The following FGF14 variants were observed in gnomAD, a reference collection of about 807,000 sequenced individuals.
FGF14 encodes fibroblast growth factor 14, also known as fibroblast growth factor homologous factor 4.
In FGF14, 5 loss-of-function variants were observed where a neutral mutation model predicts 25.5. The ratio of observed to expected loss-of-function variants is 0.20; its 90% CI spans 0.10 to 0.41. The LOEUF is 0.41. Among genes scored for constraint, FGF14 ranks in the 10% least tolerant of loss-of-function variants. FGF14 has a pLI of 1.00. For missense variants in FGF14, 222 were observed against 320.1 expected (o/e 0.69, Z 2.34); for synonymous variants, 138 against 118.3 (o/e 1.17, Z -1.08).
At chr13:101,769,025 A>T (rs909847453) in intron 3 of FGF14, among the ~76,000 whole-genome samples, 1 of 152,168 alleles carries the variant, frequency 6.6e-6, no homozygotes, top group African/African-American at 2.4e-5. Flanking sequence ...TTATGTGAAG[A>T]GAAACCACAG....
chr13:102,398,566 C>A (rs573024708), intron 1 of FGF14, among the ~76,000 whole-genome samples: 7 of 152,078 alleles, frequency 4.6e-5, no homozygotes, highest in Non-Finnish European at 1.0e-4. Flanking sequence ...GTTAATTGTT[C>A]TCTTTTTAAA....
chr13:102,367,780 T>C (rs2057757228), intron 1 of FGF14: 1 of 151,304 alleles, frequency 6.6e-6, no homozygotes. Flanking sequence ...TTCTCATTTT[T>C]AAAATGGGGG....
rs192954876 is a variant in FGF14, at chr13:102,287,345, G to A, written c.208+114126C>T. ...ATGTGACTGGAGGTTAAATAGCAAA[G>A]CCACCTTAGTTTATGACATTATTTG... On this transcript the variant is annotated intron_variant, in intron 1 of 4. Coordinates refer to the FGF14 transcript ENST00000376131. 1.0e-4 allele frequency among the ~76,000 whole-genome samples: 15 copies of A among 149,292 alleles called. No homozygotes were observed. In the East Asian group the frequency reaches 2.9e-3, roughly 29 times the overall value.
At chr13:102,165,591 C>T (rs1456016982) in intron 1 of FGF14, among the ~76,000 whole-genome samples, 1 of 141,898 alleles carries the variant, frequency 7.0e-6, no homozygotes, top group East Asian at 2.1e-4. Context: ...CACGAATTCT[C>T]ACTCATAGGT....
intron 1 of FGF14, among the ~76,000 whole-genome samples, chr13:102,271,639 C>T (rs1169248900): frequency 6.6e-6 from 1 of 152,170 alleles, no homozygotes; most frequent in East Asian, 1.9e-4. Context: ...TTCATATGTC[C>T]ATTTTCCCTA....
intron 1 of FGF14, among the ~76,000 whole-genome samples, chr13:102,007,180 G>T (rs2039851538): frequency 6.6e-6 from 1 of 152,162 alleles, no homozygotes; most frequent in Non-Finnish European, 1.5e-5. Context: ...TAATTAGCAT[G>T]GTCCTCTAAA....
intron 3 of FGF14, among the ~76,000 whole-genome samples, chr13:101,756,607 C>CCTGT (rs1442760685): frequency 6.6e-6 from 1 of 152,126 alleles, no homozygotes; most frequent in Non-Finnish European, 1.5e-5. Flanking sequence ...GTGGCACATG[C>CCTGT]CTGTAATCCC....
At chr13:101,868,438 G>A (rs919625015) in intron 3 of FGF14, 31 of 322,608 alleles carry the variant, frequency 9.6e-5, no homozygotes, top group African/African-American at 6.6e-4. Context: ...TAAGATAAGT[G>A]CATTTCTAAC....
At chr13:101,872,868 C>G (rs780327977) in intron 2 of FGF14, among the ~76,000 whole-genome samples, 6 of 151,966 alleles carry the variant, frequency 3.9e-5, no homozygotes, top group Non-Finnish European at 8.8e-5. Context: ...GGAATTTGAG[C>G]CCCTCGAGTG....
At chr13:101,904,019 C>T (rs1007626297) in intron 1 of FGF14, among the ~76,000 whole-genome samples, 59 of 152,162 alleles carry the variant, frequency 3.9e-4, no homozygotes, top group African/African-American at 1.4e-3. Flanking sequence ...CAAAGGAATA[C>T]ACTACTGTCT....
At chr13:101,778,569 G>C (rs191916675) in intron 3 of FGF14, among the ~76,000 whole-genome samples, 14 of 152,198 alleles carry the variant, frequency 9.2e-5, no homozygotes, top group African/African-American at 3.4e-4. Flanking sequence ...CTATGCTATG[G>C]TCACTGGCTG....
intron 1 of FGF14, among the ~76,000 whole-genome samples, chr13:101,965,096 A>C (rs532288203): frequency 2.0e-5 from 3 of 152,128 alleles, no homozygotes; most frequent in Non-Finnish European, 2.9e-5. Context: ...TACAGAAAAA[A>C]AAATTAGCTG....
intron 1 of FGF14, among the ~76,000 whole-genome samples, chr13:102,041,633 C>T (rs2041749232): frequency 6.7e-6 from 1 of 149,956 alleles, no homozygotes. Context: ...TTTACTTGAA[C>T]TAGAACAGGA....
At chr13:101,790,409 CTTTTT>C (rs3064706) in intron 3 of FGF14, among the ~76,000 whole-genome samples, 4 of 143,138 alleles carry the variant, frequency 2.8e-5, no homozygotes, top group Admixed American at 6.9e-5. Flanking sequence ...TATTCATTTT[CTTTTT>C]TTTTTTTTTT....
intron 3 of FGF14, among the ~76,000 whole-genome samples, chr13:101,750,002 G>A (rs2037163260): frequency 6.6e-6 from 1 of 152,012 alleles, no homozygotes; most frequent in South Asian, 2.1e-4. Context: ...ATGAGGGACT[G>A]AAGAGACTGG....
intron 1 of FGF14, among the ~76,000 whole-genome samples, chr13:102,369,886 T>C (rs1594969860): frequency 6.6e-6 from 1 of 152,264 alleles, no homozygotes; most frequent in Non-Finnish European, 1.5e-5. Flanking sequence ...TCTCAGGTTT[T>C]ATGATTTTAA....
chr13:101,856,116 T>G (rs1279472113), intron 3 of FGF14, among the ~76,000 whole-genome samples: 1 of 151,814 alleles, frequency 6.6e-6, no homozygotes, highest in Admixed American at 6.6e-5. Flanking sequence ...ATTTATGGCA[T>G]CTGTGGAAAA....
intron 1 of FGF14, among the ~76,000 whole-genome samples, chr13:102,193,280 T>C (rs2049202226): frequency 6.6e-6 from 1 of 152,140 alleles, no homozygotes; most frequent in Non-Finnish European, 1.5e-5. Flanking sequence ...AGCATGCGTG[T>C]GGAATGAGAA....
chr13:102,075,789 C>T (rs1165794410), intron 1 of FGF14, among the ~76,000 whole-genome samples: 1 of 152,086 alleles, frequency 6.6e-6, no homozygotes, highest in African/African-American at 2.4e-5. Flanking sequence ...TCCAGTGGGA[C>T]AAGATGTGGA....
Sources: gnomAD v4.1 joint callset for allele counts (sites outside exome capture counted in the v4.1 genomes callset) on GRCh38, gnomAD v4.1.1 for gene constraint, MANE v1.5 for transcripts, NCBI Gene and HGNC (gene_info 2026-07-23, HGNC 2026-07-21) for gene names.